RALYL: variants seen among roughly 807,000 people sequenced by gnomAD.
RALYL encodes the protein RNA-binding Raly-like protein.
RALYL carries 29 observed loss-of-function variants against 35.1 expected under a neutral mutation model. The observed-to-expected ratio is 0.83, with a 90% CI of 0.61 to 1.13. The LOEUF is 1.13. RALYL is among the 50% of genes most tolerant of loss of function. The probability of loss-of-function intolerance (pLI) is 0.00; values close to 1 mark genes in which losing one functional copy is unlikely to be tolerated. For missense variants in RALYL, 359 were observed against 360.4 expected, an observed-to-expected ratio of 1.00 and a Z score of 0.03; for synonymous variants, 120 against 127.6, an observed-to-expected ratio of 0.94 and a Z score of 0.40.
chr8:84,539,517 A>G (rs981955783), intron 2 of RALYL, among the ~76,000 whole-genome samples: 2 of 152,062 alleles, frequency 1.3e-5, no homozygotes, highest in Admixed American at 6.6e-5. Flanking sequence ...GGTGATCAGT[A>G]AGATCCCAAA....
chr8:84,467,757 A>C (rs2051937745), intron 1 of RALYL, among the ~76,000 whole-genome samples: 1 of 149,030 alleles, frequency 6.7e-6, no homozygotes, highest in Admixed American at 6.7e-5. Flanking sequence ...AAAGTCTCCC[A>C]TTATTAATGT....
chr8:84,349,596 C>A (rs1024125053), intron 1 of RALYL, among the ~76,000 whole-genome samples: 6 of 150,278 alleles, frequency 4.0e-5, no homozygotes, highest in African/African-American at 9.9e-5. Flanking sequence ...TCTCTCCCCC[C>A]ACCTACCCTT....
chr8:84,256,320 G>A (rs1229208134), intron 1 of RALYL, among the ~76,000 whole-genome samples: 1 of 151,764 alleles, frequency 6.6e-6, no homozygotes, highest in African/African-American at 2.4e-5. Context: ...TCTACTTTCT[G>A]AACAACATTT....
At chr8:84,228,603 A>G (rs987069547) in intron 1 of RALYL, among the ~76,000 whole-genome samples, 2 of 152,210 alleles carry the variant, frequency 1.3e-5, no homozygotes, top group African/African-American at 4.8e-5. Flanking sequence ...TTTGCTATAT[A>G]AATGGAAATG....
intron 7 of RALYL, among the ~76,000 whole-genome samples, chr8:84,883,161 A>G (rs1239964355): frequency 6.6e-6 from 1 of 152,046 alleles, no homozygotes; most frequent in Non-Finnish European, 1.5e-5. Context: ...CTCAACTCAG[A>G]TAATGACTTC....
chr8:84,660,294 A>G (rs1830668055), intron 2 of RALYL, among the ~76,000 whole-genome samples: 1 of 151,858 alleles, frequency 6.6e-6, no homozygotes, highest in African/African-American at 2.4e-5. Flanking sequence ...TTTGTGTCCT[A>G]ATTAGTTTAT....
At chr8:84,272,593 G>T (rs1412958653) in intron 1 of RALYL, among the ~76,000 whole-genome samples, 3 of 152,100 alleles carry the variant, frequency 2.0e-5, no homozygotes, top group African/African-American at 7.2e-5. Context: ...CATGGGCCAG[G>T]ATACTAGCAT....
At chr8:84,901,015 T>C (rs1845591008) in intron 8 of RALYL, among the ~76,000 whole-genome samples, 1 of 152,128 alleles carries the variant, frequency 6.6e-6, no homozygotes, top group South Asian at 2.1e-4. Flanking sequence ...TGCTAATTGC[T>C]GCTTATCTAA....
At chr8:84,416,126 A>G (rs1253440990) in intron 1 of RALYL, among the ~76,000 whole-genome samples, 2 of 152,228 alleles carry the variant, frequency 1.3e-5, no homozygotes, top group East Asian at 3.9e-4. Context: ...TGAATCCTTC[A>G]TTTATCCACT....
chr8:84,888,185 G>T (rs6998282), intron 8 of RALYL, among the ~76,000 whole-genome samples: 2,659 of 152,258 alleles, frequency 0.017, 65 homozygotes, highest in African/African-American at 0.061. Flanking sequence ...TATACTATTT[G>T]TATGGCCAAC....
chr8:84,608,662 C>T (rs1416234588), intron 2 of RALYL, among the ~76,000 whole-genome samples: 1 of 152,064 alleles, frequency 6.6e-6, no homozygotes, highest in Non-Finnish European at 1.5e-5. Context: ...TGTGCCTATC[C>T]TAAATTCATG....
chr8:84,499,732 T>A (rs2056462813), intron 1 of RALYL, among the ~76,000 whole-genome samples: 1 of 152,116 alleles, frequency 6.6e-6, no homozygotes, highest in Admixed American at 6.6e-5. Flanking sequence ...TTTTCTTGAT[T>A]TAAGAGTTTA....
intron 2 of RALYL, among the ~76,000 whole-genome samples, chr8:84,702,663 G>T (rs1252633926): frequency 1.4e-5 from 2 of 147,822 alleles, no homozygotes; most frequent in South Asian, 2.2e-4. Flanking sequence ...CCTTTCTTCT[G>T]TTATTCTATT....
intron 1 of RALYL, among the ~76,000 whole-genome samples, chr8:84,385,530 G>T (rs1314141348): frequency 6.6e-6 from 1 of 151,770 alleles, no homozygotes; most frequent in Non-Finnish European, 1.5e-5. Context: ...GTTCTGAAGG[G>T]CTTCTTCCTA....
At chr8:84,393,076 A>G (rs1349223304) in intron 1 of RALYL, among the ~76,000 whole-genome samples, 2 of 152,044 alleles carry the variant, frequency 1.3e-5, no homozygotes, top group Non-Finnish European at 2.9e-5. Flanking sequence ...GCAAAGTTTA[A>G]TGGCTTAAAA....
rs1479342581 is a variant in RALYL at position 84,184,209 on chromosome 8, C to T, written c.-239C>T. 1 of 151,864 alleles carries T rather than the reference C, an allele frequency of 6.6e-6. No homozygotes were observed. Among genetic ancestry groups the T allele is most frequent in the Non-Finnish European group, 1.5e-5 (1 of 67,996 alleles). The allele number at this position is 151,864 out of a possible 1,614,324, so 9.4% of individuals were successfully genotyped here. A position where few individuals can be genotyped will look rare whatever the true frequency, so the allele number is the denominator to read the frequency against. On this transcript the variant is annotated 5_prime_UTR_variant, in exon 1 of 9. Transcript: ENST00000521268. The stretch of plus-strand genomic sequence containing the variant: ...TCCTTTAAATTAACTATGACTTTTG[C>T]ACATTTGACTTTTTTAAAAAACCGA...
intron 1 of RALYL, among the ~76,000 whole-genome samples, chr8:84,498,457 G>T (rs1286189491): frequency 4.6e-5 from 7 of 151,954 alleles, no homozygotes; most frequent in Admixed American, 4.6e-4. Flanking sequence ...CCTCATCGAA[G>T]CTACTAATGG....
chr8:84,785,914 C>T (rs1475007310), intron 3 of RALYL, among the ~76,000 whole-genome samples: 1 of 152,186 alleles, frequency 6.6e-6, no homozygotes, highest in East Asian at 1.9e-4. Flanking sequence ...TTTGCTGCAC[C>T]TATCAACCCA....
intron 2 of RALYL, among the ~76,000 whole-genome samples, chr8:84,699,258 G>C (rs1307284036): frequency 6.6e-6 from 1 of 152,046 alleles, no homozygotes; most frequent in Non-Finnish European, 1.5e-5. Context: ...CAGTGGAGAT[G>C]CTCTGAGACA....
Sources: allele counts gnomAD v4.1 joint callset (sites outside exome capture counted in the v4.1 genomes callset), GRCh38; gene constraint gnomAD v4.1.1; transcripts MANE v1.5; gene names NCBI Gene and HGNC (gene_info 2026-07-23, HGNC 2026-07-21).